Variants in FRAS1 observed in about 807,000 individuals in gnomAD.
FRAS1 encodes extracellular matrix organizing protein FRAS1.
A neutral mutation model predicts 435.2 loss-of-function variants in FRAS1; 290 were observed. The observed-to-expected ratio is 0.67, with a 90% CI of 0.61 to 0.73. The LOEUF (loss-of-function observed/expected upper bound fraction) is 0.73. FRAS1 is among the 30% of genes least tolerant of loss of function. The pLI, the probability that FRAS1 is intolerant of heterozygous loss-of-function variation, is 0.00. For synonymous variants in FRAS1, 1,800 were observed against 1,851.0 expected (o/e 0.97, Z 0.71); for missense variants, 4,860 against 5,001.5 (o/e 0.97, Z 0.85).
Position 78,412,984 on chromosome 4 carries a change from A to G in FRAS1, c.4324A>G (p.Asn1442Asp), listed in dbSNP as rs530687249. ...SFRFEVSSAS[N>D]AQTRLESHMF... ...TTCTTTTCAGGTGTCCAGTGCCTCC[A>G]ATGCCCAGACCCGCCTGGAGAGCCA... The change falls in exon 32 of 74, where the codon AAT (asparagine) becomes GAT (aspartate). Residue 1442 changes from asparagine to aspartate, a missense_variant. Coordinates refer to ENST00000512123, the MANE Select transcript of FRAS1 (RefSeq NM_025074.7). 19 of 1,605,096 alleles carry G rather than the reference A, an allele frequency of 1.2e-5. No homozygotes were observed. The South Asian group carries it at 1.9e-4, about 16-fold the overall frequency.
chr4:78,135,902 G>T (rs971407822), intron 2 of FRAS1, among the ~76,000 whole-genome samples: 7 of 152,118 alleles, frequency 4.6e-5, no homozygotes, highest in Admixed American at 6.5e-5. Context: ...CCGAACTGTT[G>T]CTCCTAAGGG....
chr4:78,384,254 T>C (rs909340529), intron 28 of FRAS1, 111 bp downstream of exon 28: 9 of 818,682 alleles, frequency 1.1e-5, no homozygotes, highest in African/African-American at 1.8e-5. Flanking sequence ...ATTAATCTAG[T>C]CTTGGTTTCC....
chr4:78,249,406 C>T (rs979801583), intron 4 of FRAS1, among the ~76,000 whole-genome samples: 13 of 148,566 alleles, frequency 8.8e-5, no homozygotes, highest in African/African-American at 3.0e-4. Context: ...CACTGGAACC[C>T]CTACCTCTCA....
chr4:78,073,435 T>C (rs911911854), intron 2 of FRAS1, among the ~76,000 whole-genome samples: 1 of 152,192 alleles, frequency 6.6e-6, no homozygotes, highest in East Asian at 1.9e-4. Context: ...CGTTTTATCA[T>C]ATATCTCAAT....
At chr4:78,078,550 T>G (rs1283089923) in intron 2 of FRAS1, among the ~76,000 whole-genome samples, 1 of 152,126 alleles carries the variant, frequency 6.6e-6, no homozygotes, top group African/African-American at 2.4e-5. Flanking sequence ...AAATATCTAA[T>G]AGTGTAAAAC....
At chr4:78,065,535 G>A (rs777915237) in intron 1 of FRAS1, among the ~76,000 whole-genome samples, 6 of 152,034 alleles carry the variant, frequency 3.9e-5, no homozygotes, top group Non-Finnish European at 7.4e-5. Flanking sequence ...ATCTCCTGTA[G>A]AAAATGAAAA....
intron 2 of FRAS1, among the ~76,000 whole-genome samples, chr4:78,189,879 TG>T (rs1361060400): frequency 6.6e-6 from 1 of 152,206 alleles, no homozygotes; most frequent in African/African-American, 2.4e-5. Flanking sequence ...GTCTCATAGT[TG>T]TTTCTAATTC....
chr4:78,086,049 A>G (rs1233202738), intron 2 of FRAS1, among the ~76,000 whole-genome samples: 1 of 152,170 alleles, frequency 6.6e-6, no homozygotes, highest in African/African-American at 2.4e-5. Context: ...AGCAAATGTA[A>G]AAGAACAGAA....
intron 18 of FRAS1, among the ~76,000 whole-genome samples, chr4:78,326,372 C>T (rs916508106): frequency 5.3e-5 from 8 of 152,036 alleles, no homozygotes; most frequent in African/African-American, 1.9e-4. Flanking sequence ...TCCAAGGTTT[C>T]AGCATGAGTA....
rs752394372 is a variant in FRAS1 at position 78,126,259 on chromosome 4, G to C, written c.108+60243G>C. ...GCCAGTTGCAAAGACCATGGGCAAG[G>C]CACAGTATTTGGGCAGGAGTGTACC... On this transcript the variant is annotated intron_variant, in intron 2 of 73. Transcript: ENST00000512123. 7.2e-5 allele frequency among the ~76,000 whole-genome samples: 11 copies of C among 152,154 alleles called. 1 individual carries two copies. The highest frequency in any genetic ancestry group is 6.3e-4 in the South Asian group (3 of 4,796).
chr4:78,377,733 G>A (rs867907138), intron 26 of FRAS1, among the ~76,000 whole-genome samples: 1 of 152,146 alleles, frequency 6.6e-6, no homozygotes, highest in African/African-American at 2.4e-5. Flanking sequence ...CCCTTGGCAG[G>A]TCTGATGTGG....
intron 2 of FRAS1, among the ~76,000 whole-genome samples, chr4:78,196,522 A>T (rs1722820561): frequency 6.6e-6 from 1 of 152,194 alleles, no homozygotes; most frequent in Admixed American, 6.5e-5. Context: ...CTTTAGAATA[A>T]TCCTTATTTA....
chr4:78,272,204 G>C (rs1726738249), intron 9 of FRAS1, among the ~76,000 whole-genome samples: 1 of 152,152 alleles, frequency 6.6e-6, no homozygotes. Context: ...GTAGATTCTG[G>C]ATATTAGCCC....
At chr4:78,182,812 A>G (rs760426892) in intron 2 of FRAS1, among the ~76,000 whole-genome samples, 2 of 150,880 alleles carry the variant, frequency 1.3e-5, no homozygotes, top group Non-Finnish European at 2.9e-5. Context: ...CCCAGGAGGC[A>G]GAGGTTGCAG....
At chr4:78,101,375 T>A (rs113106040) in intron 2 of FRAS1, among the ~76,000 whole-genome samples, 1 of 152,170 alleles carries the variant, frequency 6.6e-6, no homozygotes, top group Admixed American at 6.5e-5. Context: ...GACAACATAG[T>A]GGTTTTGGAA....
chr4:78,403,006 A>C (rs1017289886), intron 30 of FRAS1, among the ~76,000 whole-genome samples: 3 of 152,176 alleles, frequency 2.0e-5, no homozygotes, highest in Non-Finnish European at 4.4e-5. Context: ...ACTTGGTTAA[A>C]GTGGTGTCTA....
rs149265445 is a variant in FRAS1, at chr4:78,385,614, A to G, written c.3648+1471A>G. ...ATTAAAACTAAAACAGGCTGGGCTC[A>G]GTGGCTTATGCCTGTAATCCCAGCA... On this transcript the variant is annotated intron_variant, in intron 28 of 73. Transcript: ENST00000512123. Among the ~76,000 whole-genome samples the G allele has an allele frequency of 4.9e-3, 739 of 152,312 alleles. 4 individuals are homozygous for G. Among genetic ancestry groups the G allele is most frequent in the African/African-American group, 0.017 (724 of 41,564 alleles).
At chr4:78,399,817 T>C (rs1387519533) in intron 29 of FRAS1, among the ~76,000 whole-genome samples, 3 of 152,224 alleles carry the variant, frequency 2.0e-5, no homozygotes, top group African/African-American at 7.2e-5. Flanking sequence ...TATCTTCAGC[T>C]CTAGATTTAT....
In FRAS1 at chr4:78,278,726, T is replaced by C; in HGVS notation, c.1053T>C (p.Tyr351=). 2 of 1,595,684 alleles carry C rather than the reference T, an allele frequency of 1.3e-6. No homozygotes were observed. The highest frequency in any genetic ancestry group is 1.7e-6 in the Non-Finnish European group (2 of 1,164,602). The change falls in exon 10 of 74, where the codon TAT becomes TAC. Residue 351 remains tyrosine, a synonymous_variant. Coordinates refer to ENST00000512123, the MANE Select transcript of FRAS1 (RefSeq NM_025074.7). ...TTTCAAGGAATGGTTATTGTGTTTA[T>C]GAAGAAACTGGAGAATTTGTGAGTA... is the stretch of plus-strand genomic sequence containing the variant. ...ECISRNGYCV[Y]EETGEFMSSN... is the part of the protein sequence containing the mutation.
Sources: allele counts gnomAD v4.1 joint callset (sites outside exome capture counted in the v4.1 genomes callset), GRCh38; gene constraint gnomAD v4.1.1; transcripts MANE v1.5; gene names NCBI Gene and HGNC (gene_info 2026-07-23, HGNC 2026-07-21).